GRIN2A: variants seen among roughly 807,000 people sequenced by gnomAD.
GRIN2A encodes glutamate ionotropic receptor NMDA type subunit 2A.
A neutral mutation model predicts 113.4 loss-of-function variants in GRIN2A; 22 were observed. The ratio of observed to expected loss-of-function variants is 0.19; its 90% CI spans 0.14 to 0.28. The LOEUF (loss-of-function observed/expected upper bound fraction) is 0.28. GRIN2A is among the 10% of genes least tolerant of loss of function. GRIN2A has a pLI of 1.00. For synonymous variants in GRIN2A, 827 were observed against 738.4 expected, an observed-to-expected ratio of 1.12 and a Z score of -1.94; for missense variants, 1,502 against 1,887.0, an observed-to-expected ratio of 0.80 and a Z score of 3.78.
At chr16:10,072,147 G>A (rs778316801) in intron 2 of GRIN2A, among the ~76,000 whole-genome samples, 2 of 152,176 alleles carry the variant, frequency 1.3e-5, no homozygotes, top group Non-Finnish European at 1.5e-5. Flanking sequence ...TTTCACCATC[G>A]TGAGAGTGAG....
At chr16:10,060,868 T>C (rs1399121592) in intron 2 of GRIN2A, among the ~76,000 whole-genome samples, 2 of 152,112 alleles carry the variant, frequency 1.3e-5, no homozygotes, top group African/African-American at 4.8e-5. Context: ...CCAAAAACCA[T>C]CCCCAAATCT....
intron 2 of GRIN2A, among the ~76,000 whole-genome samples, chr16:9,953,824 C>T (rs769663583): frequency 6.6e-6 from 1 of 152,078 alleles, no homozygotes; most frequent in Non-Finnish European, 1.5e-5. Context: ...GAGATGTTCA[C>T]CTGGGACTTT....
intron 5 of GRIN2A, among the ~76,000 whole-genome samples, chr16:9,847,935 A>AT (rs201605311): frequency 0.023 from 3,348 of 145,986 alleles, 123 homozygotes; most frequent in African/African-American, 0.073. Context: ...ATATATATAT[A>AT]AAAATATATA....
rs1900309496 is a variant in GRIN2A, at chr16:9,755,332, C to G, written c.*7817G>C. 5.4e-6 allele frequency: 1 copy of G among 186,838 alleles called. No homozygotes were observed. The highest frequency in any genetic ancestry group is 6.2e-5 in the Admixed American group (1 of 16,162). 11.6% of individuals were successfully genotyped at this position (186,838 alleles called of 1,614,324 possible). A position where few individuals can be genotyped will look rare whatever the true frequency, so the allele number is the denominator to read the frequency against. Reference sequence around the variant, plus strand: ...TGGTCAAATCGTTCTTTGGAGTGCTCCATTTCTGCATAGCTCAACATTCCA... The same window carrying G: ...TGGTCAAATCGTTCTTTGGAGTGCTGCATTTCTGCATAGCTCAACATTCCA... On this transcript the variant is annotated 3_prime_UTR_variant, in exon 13 of 13. Transcript: ENST00000330684.
At chr16:9,880,189 T>C (rs1464595862) in intron 4 of GRIN2A, among the ~76,000 whole-genome samples, 1 of 152,040 alleles carries the variant, frequency 6.6e-6, no homozygotes, top group East Asian at 1.9e-4. Flanking sequence ...CTCACTCAGA[T>C]TGTTGGGCAA....
intron 2 of GRIN2A, among the ~76,000 whole-genome samples, chr16:10,051,869 G>A (rs565562174): frequency 6.6e-6 from 1 of 152,198 alleles, no homozygotes; most frequent in South Asian, 2.1e-4. Flanking sequence ...TTAAGCAGAA[G>A]GGTAATGGGA....
intron 2 of GRIN2A, chr16:9,970,790 A>G (rs2045655391): frequency 1.3e-5 from 11 of 846,938 alleles, no homozygotes; most frequent in Non-Finnish European, 1.6e-5. Flanking sequence ...GAAATATTGG[A>G]TATATCAAAT....
chr16:9,933,777 T>A (rs2044650985), intron 3 of GRIN2A, among the ~76,000 whole-genome samples: 1 of 152,218 alleles, frequency 6.6e-6, no homozygotes, highest in Non-Finnish European at 1.5e-5. Context: ...ATTATGTAAG[T>A]GTAAAGATGG....
intron 2 of GRIN2A, among the ~76,000 whole-genome samples, chr16:10,082,156 A>G (rs1476594355): frequency 8.5e-5 from 13 of 152,222 alleles, no homozygotes; most frequent in Non-Finnish European, 8.8e-5. Context: ...CCTCCAAAAC[A>G]TTGTATGGCC....
chr16:10,025,689 T>C (rs1259064088), intron 2 of GRIN2A, among the ~76,000 whole-genome samples: 1 of 152,066 alleles, frequency 6.6e-6, no homozygotes, highest in Non-Finnish European at 1.5e-5. Flanking sequence ...TTCCCAGAGA[T>C]GAAAATAAAG....
intron 10 of GRIN2A, among the ~76,000 whole-genome samples, chr16:9,817,609 G>C (rs1404561904): frequency 6.6e-6 from 1 of 152,194 alleles, no homozygotes; most frequent in African/African-American, 2.4e-5. Context: ...TCTTAGATGG[G>C]GAAACTAGAA....
chr16:9,804,452 T>C (rs1355428182), intron 10 of GRIN2A, among the ~76,000 whole-genome samples: 1 of 152,010 alleles, frequency 6.6e-6, no homozygotes, highest in African/African-American at 2.4e-5. Context: ...TCTTCCTTTT[T>C]TGAAGAGGAA....
chr16:9,970,712 TA>T, intron 2 of GRIN2A: 1 of 910,290 alleles, frequency 1.1e-6, no homozygotes, highest in Non-Finnish European at 1.3e-6. Flanking sequence ...GTACTGAAGA[TA>T]AAATAAATAA....
chr16:10,100,165 G>T (rs2048365465), intron 2 of GRIN2A, among the ~76,000 whole-genome samples: 1 of 152,108 alleles, frequency 6.6e-6, no homozygotes, highest in Admixed American at 6.5e-5. Context: ...TCCAGAGGTA[G>T]CCGAGGTCAG....
chr16:9,832,200 C>T (rs1440164545), intron 8 of GRIN2A, among the ~76,000 whole-genome samples: 4 of 151,880 alleles, frequency 2.6e-5, no homozygotes, highest in Non-Finnish European at 4.4e-5. Context: ...AGGCAATTCT[C>T]CTGCCTTGGC....
At chr16:10,029,448 C>T (rs1019850174) in intron 2 of GRIN2A, among the ~76,000 whole-genome samples, 4 of 152,120 alleles carry the variant, frequency 2.6e-5, no homozygotes, top group African/African-American at 7.2e-5. Context: ...CCCGCCTCGG[C>T]CTCCCGAAGT....
chr16:10,011,215 A>C (rs1422502082), intron 2 of GRIN2A, among the ~76,000 whole-genome samples: 1 of 152,208 alleles, frequency 6.6e-6, no homozygotes, highest in African/African-American at 2.4e-5. Flanking sequence ...TGTTAAACTA[A>C]GTTTTTAATG....
rs1199294774 is a variant in GRIN2A at position 9,803,623 on chromosome 16, C to T, written c.2169-5159G>A. ...TGGATCCTATAGGAGAAATCCAGTT[C>T]TGCATACTTTATATGCATTATTATA... On this transcript the variant is annotated intron_variant, in intron 10 of 12. Transcript: ENST00000330684. Among the ~76,000 whole-genome samples the T allele has an allele frequency of 2.0e-5, 3 of 152,306 alleles. No homozygotes were observed. The East Asian group carries it at 5.8e-4, about 29-fold the overall frequency.
intron 2 of GRIN2A, among the ~76,000 whole-genome samples, chr16:10,090,647 C>T (rs1339961472): frequency 6.6e-6 from 1 of 151,796 alleles, no homozygotes; most frequent in African/African-American, 2.4e-5. Flanking sequence ...GACACAAAAC[C>T]ATTCATTATT....
Sources: gnomAD v4.1 joint callset for allele counts (sites outside exome capture counted in the v4.1 genomes callset) on GRCh38, gnomAD v4.1.1 for gene constraint, MANE v1.5 for transcripts, NCBI Gene and HGNC (gene_info 2026-07-23, HGNC 2026-07-21) for gene names.